Variants in PRR19 observed in about 807,000 individuals in gnomAD.
The protein encoded by PRR19 is proline rich 19, also known as proline-rich protein 19.
A neutral mutation model predicts 19.2 loss-of-function variants in PRR19; 9 were observed. That is an observed-to-expected ratio of 0.47 (90% confidence interval 0.28 to 0.82). PRR19 has a LOEUF of 0.82. Ranked by LOEUF, PRR19 falls within the 40% of genes least tolerant of loss-of-function variation. PRR19 has a pLI of 0.11. For missense variants in PRR19, 457 were observed against 466.0 expected, an observed-to-expected ratio of 0.98 and a Z score of 0.18; for synonymous variants, 190 against 191.0, an observed-to-expected ratio of 0.99 and a Z score of 0.04.
chr19:42,310,284 G>A lies in PRR19; in HGVS notation c.615G>A (p.Gly205=), dbSNP rs561294939. Reference sequence around the variant, plus strand: ...CCTCTGTGCCAGGGGCCAAGCCTGGGGTCTCTGAGAGAAAGATGACACCCT... The same window carrying A: ...CCTCTGTGCCAGGGGCCAAGCCTGGAGTCTCTGAGAGAAAGATGACACCCT... ...CQPPLPGAKP[G]VSERKMTPFW... is the part of the protein sequence containing the mutation. The change falls in exon 3 of 3, where the codon GGG becomes GGA. Residue 205 remains glycine, a synonymous_variant. Transcript: ENST00000341747. 6.2e-7 allele frequency: 1 copy of A among 1,614,116 alleles called. No homozygotes were observed. Among genetic ancestry groups the A allele is most frequent in the Non-Finnish European group, 8.5e-7 (1 of 1,180,014 alleles).
chr19:42,309,467 C>T (rs930481213), intron 1 of PRR19, 112 bp from the exon 2 acceptor site: 15 of 785,682 alleles, frequency 1.9e-5, no homozygotes, highest in Non-Finnish European at 2.7e-5. Context: ...CCTTGGCCTA[C>T]CCCAGTGTTG....
Position 42,302,303 on chromosome 19 carries a change from C to T in PRR19, c.-207C>T. 6.2e-7 allele frequency: 1 copy of T among 1,604,322 alleles called. No homozygotes were observed. On this transcript the variant is annotated 5_prime_UTR_variant, in exon 1 of 3. Coordinates refer to ENST00000341747, the MANE Select transcript of PRR19 (RefSeq NM_199285.3). ...GGCTTGCTGGCTGGGTTCTCCTCTC[C>T]ACTCATCTTGGCGCCGCAGCTCCTG...
intron 1 of PRR19, among the ~76,000 whole-genome samples, chr19:42,307,344 C>T (rs1002611111): frequency 6.6e-6 from 1 of 152,066 alleles, no homozygotes; most frequent in African/African-American, 2.4e-5. Context: ...CCTCGTCTAC[C>T]CCTGGATTTC....
chr19:42,302,701 GA>G (rs2038658112), intron 1 of PRR19, 198 bp downstream of exon 1: 1 of 245,152 alleles, frequency 4.1e-6, no homozygotes, highest in African/African-American at 2.3e-5. Flanking sequence ...CGAACTACCT[GA>G]AGAGTCGAGA....
chr19:42,310,255 C>T lies in PRR19; in HGVS notation c.602-16C>T. 1.9e-6 allele frequency: 3 copies of T among 1,614,062 alleles called. No homozygotes were observed. The highest frequency in any genetic ancestry group is 2.5e-6 in the Non-Finnish European group (3 of 1,179,956). On this transcript the variant is annotated splice_polypyrimidine_tract_variant and intron_variant, in intron 2 of 2. Transcript: ENST00000341747. ...TCTAGCTCAGCTAGCCTCTATGCTTCTTTCCTCTGTGCCAGGGGCCAAGCC... is the reference window on the plus strand; with the variant it reads ...TCTAGCTCAGCTAGCCTCTATGCTTTTTTCCTCTGTGCCAGGGGCCAAGCC...
In PRR19 at chr19:42,302,823, C is replaced by A. The variant is rs1488980786; in HGVS notation, c.-7+320C>A. 6 of 120,766 alleles carry A rather than the reference C, an allele frequency of 5.0e-5. No homozygotes were observed. In the East Asian group the frequency reaches 9.3e-4, roughly 19 times the overall value. The allele number at this position is 120,766 out of a possible 1,614,324, so 7.5% of individuals were successfully genotyped here. A position where few individuals can be genotyped will look rare whatever the true frequency, so the allele number is the denominator to read the frequency against. Reference sequence around the variant, plus strand: ...TACTGTTGCGGGGGGGGGGGTGACCCATTCACGTGGTGGGGGGAGGGGAGC... The same window carrying A: ...TACTGTTGCGGGGGGGGGGGTGACCAATTCACGTGGTGGGGGGAGGGGAGC... On this transcript the variant is annotated intron_variant, in intron 1 of 2. Transcript: ENST00000341747.
chr19:42,302,474 T>A lies in PRR19; in HGVS notation c.-36T>A. The A allele has an allele frequency of 1.6e-6, 1 of 610,452 alleles. No individual in the cohort carries two copies. The highest frequency in any genetic ancestry group is 2.8e-6 in the Non-Finnish European group (1 of 352,774). 37.8% of individuals were successfully genotyped at this position (610,452 alleles called of 1,614,324 possible). A position where few individuals can be genotyped will look rare whatever the true frequency, so the allele number is the denominator to read the frequency against. On this transcript the variant is annotated 5_prime_UTR_variant, in exon 1 of 3. Coordinates refer to ENST00000341747, the MANE Select transcript of PRR19 (RefSeq NM_199285.3). ...AAGGCCGATACAGGGCGCCGCCTCC[T>A]CTCCAGGGACGGAAGCCTTCACTTA...
rs764318193 is a variant in PRR19 at position 42,309,805 on chromosome 19, G to A, written c.221G>A (p.Arg74Gln). 9.9e-6 allele frequency: 16 copies of A among 1,614,002 alleles called. 1 individual carries two copies. The highest frequency in any genetic ancestry group is 4.4e-5 in the South Asian group (4 of 91,080). Residue 74 changes from arginine to glutamine, a missense_variant, in exon 2 of 3, where the codon CGG (arginine) becomes CAG (glutamine). Arg to Gln is a conservative substitution (Grantham distance 43, BLOSUM62 1). Transcript: ENST00000341747. ...CAGGGCCGGCTGAGCCGGGAGCACC[G>A]GGGTCTCTTCAACCACGAGGTGAAA... ...ITQGRLSREH[R>Q]GLFNHEVKSL...
In PRR19 at chr19:42,302,314, G is replaced by A; in HGVS notation, c.-196G>A. 1 of 1,600,354 alleles carries A rather than the reference G, an allele frequency of 6.2e-7. No homozygotes were observed. The highest frequency in any genetic ancestry group is 8.5e-7 in the Non-Finnish European group (1 of 1,175,024). On this transcript the variant is annotated 5_prime_UTR_variant, in exon 1 of 3. Transcript: ENST00000341747. The stretch of plus-strand genomic sequence containing the variant: ...TGGGTTCTCCTCTCCACTCATCTTG[G>A]CGCCGCAGCTCCTGCAGGATGAGCG...
At chr19:42,308,333 C>T (rs888208666) in intron 1 of PRR19, among the ~76,000 whole-genome samples, 4 of 151,772 alleles carry the variant, frequency 2.6e-5, no homozygotes, top group Admixed American at 2.0e-4. Context: ...CTCAAGTGAT[C>T]CTCCTACCTC....
chr19:42,310,132 G>T lies in PRR19; in HGVS notation c.548G>T (p.Gly183Val), dbSNP rs774293720. The T allele has an allele frequency of 6.2e-7, 1 of 1,614,126 alleles. No homozygotes were observed. The highest frequency in any genetic ancestry group is 1.1e-5 in the South Asian group (1 of 91,092). ...AIVHTLQACH[G>V]CVPDLALVLR... ...GTGCACACCTTGCAGGCCTGTCATG[G>T]TTGTGTGCCTGACCTTGCCCTGGTG... Residue 183 changes from glycine (G) to valine (V), a missense_variant, in exon 2 of 3, where the codon GGT becomes GTT. Coordinates refer to ENST00000341747, the MANE Select transcript of PRR19 (RefSeq NM_199285.3).
Position 42,302,354 on chromosome 19 carries a change from G to C in PRR19, c.-156G>C, listed in dbSNP as rs779878504. On this transcript the variant is annotated 5_prime_UTR_variant, in exon 1 of 3. Transcript: ENST00000341747. ...CAGGATGAGCGAGTCGGGTCGGCCCGGGAGTGTTCCGAACGGAGCTGGCTC... is the reference window on the plus strand; with the variant it reads ...CAGGATGAGCGAGTCGGGTCGGCCCCGGAGTGTTCCGAACGGAGCTGGCTC... The C allele has an allele frequency of 6.5e-6, 10 of 1,534,956 alleles. No individual in the cohort carries two copies. The highest frequency in any genetic ancestry group is 8.8e-6 in the Non-Finnish European group (10 of 1,137,598).
In PRR19 at chr19:42,310,754, C is replaced by G; in HGVS notation, c.*14C>G. 1 of 1,492,998 alleles carries G rather than the reference C, an allele frequency of 6.7e-7. No individual in the cohort carries two copies. The highest frequency in any genetic ancestry group is 9.0e-7 in the Non-Finnish European group (1 of 1,110,008). 92.5% of individuals were successfully genotyped at this position (1,492,998 alleles called of 1,614,324 possible). On this transcript the variant is annotated 3_prime_UTR_variant, in exon 3 of 3. Coordinates refer to ENST00000341747, the MANE Select transcript of PRR19 (RefSeq NM_199285.3). Reference sequence around the variant, plus strand: ...AGACTGTACTGAGGAGAGGCTGAGGCTAGGGCTGGGGACAGATATCTTGTA... The same window carrying G: ...AGACTGTACTGAGGAGAGGCTGAGGGTAGGGCTGGGGACAGATATCTTGTA...
chr19:42,309,575 C>A lies in PRR19; in HGVS notation c.-6-4C>A, dbSNP rs1230881469. The stretch of plus-strand genomic sequence containing the variant: ...CTGATGGCCACCCTATCTTTATATT[C>A]CAGGACACCATGGATACCCAGGGAC... On this transcript the variant is annotated splice_region_variant and splice_polypyrimidine_tract_variant and intron_variant, in intron 1 of 2. Coordinates refer to ENST00000341747, the MANE Select transcript of PRR19 (RefSeq NM_199285.3). 7 of 1,515,234 alleles carry A rather than the reference C, an allele frequency of 4.6e-6. No homozygotes were observed. In the East Asian group the frequency reaches 1.4e-4, roughly 30 times the overall value. The allele number at this position is 1,515,234 out of a possible 1,614,324, so 93.9% of individuals were successfully genotyped here. A position where few individuals can be genotyped will look rare whatever the true frequency, so the allele number is the denominator to read the frequency against.
Position 42,310,445 on chromosome 19 carries a change from G to T in PRR19, c.776G>T (p.Arg259Ile). 1.2e-6 allele frequency: 2 copies of T among 1,614,204 alleles called. No homozygotes were observed. The highest frequency in any genetic ancestry group is 8.5e-7 in the Non-Finnish European group (1 of 1,180,028). ...CACAGGGGGAGTCTGGCACCGCCAA[G>T]AGGTCCCTGGCCACCATACTTTCCC... ...TAHRGSLAPP[R>I]GPWPPYFPSL... Residue 259 changes from arginine (R) to isoleucine (I), a missense_variant, in exon 3 of 3, where the codon AGA (arginine) becomes ATA (isoleucine). By Grantham distance (97) the Arg-to-Ile change is moderately conservative (BLOSUM62 -3). Coordinates refer to ENST00000341747, the MANE Select transcript of PRR19 (RefSeq NM_199285.3).
rs773970456 is a variant in PRR19, at chr19:42,309,869, G to A, written c.285G>A (p.Leu95=). Reference sequence around the variant, plus strand: ...CAAGGCTGCTTAGCAGTGGGACCCTGGTGCCAGGCAGCCCCACACTCCCCG... The same window carrying A: ...CAAGGCTGCTTAGCAGTGGGACCCTAGTGCCAGGCAGCCCCACACTCCCCG... ...DVARLLSSGT[L]VPGSPTLPAK... The change falls in exon 2 of 3, where the codon CTG becomes CTA. Residue 95 remains leucine, a synonymous_variant. Transcript: ENST00000341747. 5.0e-6 allele frequency: 8 copies of A among 1,613,982 alleles called. No individual in the cohort carries two copies. The highest frequency in any genetic ancestry group is 5.9e-6 in the Non-Finnish European group (7 of 1,180,020).
Position 42,310,069 on chromosome 19 carries a change from C to T in PRR19, c.485C>T (p.Pro162Leu). Residue 162 changes from proline to leucine, a missense_variant, in exon 2 of 3, where the codon CCC becomes CTC. Coordinates refer to ENST00000341747, the MANE Select transcript of PRR19 (RefSeq NM_199285.3). ...CAGCTGAGTTTGCCACAGGCCTTCCCCCGGAGGAACCTGATTCAGGATGCC... is the reference window on the plus strand; with the variant it reads ...CAGCTGAGTTTGCCACAGGCCTTCCTCCGGAGGAACCTGATTCAGGATGCC... ...QCQLSLPQAF[P>L]RRNLIQDARD... The T allele has an allele frequency of 6.2e-7, 1 of 1,614,102 alleles. No homozygotes were observed. Among genetic ancestry groups the T allele is most frequent in the Non-Finnish European group, 8.5e-7 (1 of 1,180,030 alleles).
chr19:42,302,338 C>T lies in PRR19; in HGVS notation c.-172C>T, dbSNP rs1337960392. 3.8e-6 allele frequency: 6 copies of T among 1,565,058 alleles called. No individual in the cohort carries two copies. The Admixed American group carries it at 5.5e-5, about 14-fold the overall frequency. ...GGCGCCGCAGCTCCTGCAGGATGAG[C>T]GAGTCGGGTCGGCCCGGGAGTGTTC... On this transcript the variant is annotated 5_prime_UTR_variant, in exon 1 of 3. Transcript: ENST00000341747.
At chr19:42,302,768 T>C (rs1256648231) in intron 1 of PRR19, 1 of 128,854 alleles carries the variant, frequency 7.8e-6, no homozygotes, top group Non-Finnish European at 1.5e-5. Flanking sequence ...CCATTTGCTG[T>C]ACAGAGTGAA....
Sources: allele counts gnomAD v4.1 joint callset (sites outside exome capture counted in the v4.1 genomes callset), GRCh38; gene constraint gnomAD v4.1.1; transcripts MANE v1.5; gene names NCBI Gene and HGNC (gene_info 2026-07-23, HGNC 2026-07-21).